Variants in GALNTL6 observed in about 807,000 individuals in gnomAD.
GALNTL6 encodes the protein polypeptide N-acetylgalactosaminyltransferase like 6.
GALNTL6 carries 46 observed loss-of-function variants against 73.7 expected under a neutral mutation model. That is an observed-to-expected ratio of 0.62 (90% confidence interval 0.49 to 0.80). GALNTL6 has a LOEUF of 0.80. Among genes scored for constraint, GALNTL6 ranks in the 30% least tolerant of loss-of-function variants. The pLI, the probability that GALNTL6 is intolerant of heterozygous loss-of-function variation, is 0.00. For missense variants in GALNTL6, 604 were observed against 755.0 expected (o/e 0.80, Z 2.34); for synonymous variants, 259 against 263.7 (o/e 0.98, Z 0.17).
At chr4:172,168,246 A>G (rs189854936) in intron 2 of GALNTL6, among the ~76,000 whole-genome samples, 2 of 152,174 alleles carry the variant, frequency 1.3e-5, no homozygotes, top group East Asian at 3.9e-4. Flanking sequence ...TCCAAATATC[A>G]AGATGGTCTT....
chr4:172,826,883 G>A (rs970106726), intron 7 of GALNTL6, among the ~76,000 whole-genome samples: 24 of 152,166 alleles, frequency 1.6e-4, no homozygotes, highest in African/African-American at 3.6e-4. Flanking sequence ...ACTCCATGCC[G>A]GGATTGTTTT....
intron 5 of GALNTL6, among the ~76,000 whole-genome samples, chr4:172,454,165 T>A (rs575846994): frequency 2.6e-3 from 397 of 152,040 alleles, no homozygotes; most frequent in Middle Eastern, 0.017. Flanking sequence ...CTTCAGGGAG[T>A]CAGAAAAAGA....
intron 5 of GALNTL6, among the ~76,000 whole-genome samples, chr4:172,473,714 T>C (rs1440368457): frequency 6.6e-6 from 1 of 152,212 alleles, no homozygotes; most frequent in African/African-American, 2.4e-5. Context: ...CCTCTTCAGG[T>C]TGAAAAGCCT....
At chr4:171,986,196 G>C (rs561460669) in intron 2 of GALNTL6, among the ~76,000 whole-genome samples, 9 of 152,046 alleles carry the variant, frequency 5.9e-5, no homozygotes, top group East Asian at 5.8e-4. Context: ...GGCTGAGTCC[G>C]AAAAGAGAGT....
At chr4:171,902,785 C>A (rs12503932) in intron 2 of GALNTL6, among the ~76,000 whole-genome samples, 1 of 151,960 alleles carries the variant, frequency 6.6e-6, no homozygotes, top group African/African-American at 2.4e-5. Context: ...CTAATCTAGA[C>A]GTGGACATTA....
intron 2 of GALNTL6, among the ~76,000 whole-genome samples, chr4:171,934,143 A>G (rs1286629199): frequency 6.6e-6 from 1 of 152,186 alleles, no homozygotes; most frequent in Non-Finnish European, 1.5e-5. Flanking sequence ...AAGAGATGAT[A>G]TGACTTCAGT....
chr4:172,679,233 GA>G (rs1361771945), intron 5 of GALNTL6, among the ~76,000 whole-genome samples: 2 of 152,078 alleles, frequency 1.3e-5, no homozygotes, highest in Non-Finnish European at 2.9e-5. Context: ...CCAACATGGT[GA>G]AACCCCATCT....
intron 2 of GALNTL6, among the ~76,000 whole-genome samples, chr4:172,130,763 A>G (rs1052392155): frequency 1.3e-5 from 2 of 152,138 alleles, no homozygotes; most frequent in African/African-American, 2.4e-5. Context: ...AAAATATGAA[A>G]TGAATGCATT....
At chr4:172,483,342 A>G (rs992142903) in intron 5 of GALNTL6, among the ~76,000 whole-genome samples, 1 of 152,180 alleles carries the variant, frequency 6.6e-6, no homozygotes, top group Non-Finnish European at 1.5e-5. Flanking sequence ...TCAGGAAAAG[A>G]GAACATTGTG....
At chr4:172,771,758 G>C (rs1316045291) in intron 5 of GALNTL6, among the ~76,000 whole-genome samples, 1 of 152,082 alleles carries the variant, frequency 6.6e-6, no homozygotes, top group Non-Finnish European at 1.5e-5. Context: ...GATGTCTATG[G>C]GTTAAGTTTA....
At chr4:172,170,825 T>C (rs10012225) in intron 2 of GALNTL6, among the ~76,000 whole-genome samples, 53,872 of 151,974 alleles carry the variant, frequency 0.35, 9,737 homozygotes, top group Middle Eastern at 0.39. Context: ...GGAAATTGTT[T>C]ATAGCAGTAT....
chr4:172,538,404 G>T (rs1735427591), intron 5 of GALNTL6, among the ~76,000 whole-genome samples: 1 of 152,108 alleles, frequency 6.6e-6, no homozygotes, highest in Non-Finnish European at 1.5e-5. Flanking sequence ...AGCTTGCAAA[G>T]AGCCAAGATT....
intron 2 of GALNTL6, among the ~76,000 whole-genome samples, chr4:172,014,626 T>G (rs538091648): frequency 6.6e-6 from 1 of 152,208 alleles, no homozygotes; most frequent in East Asian, 1.9e-4. Context: ...TCTAGTTACT[T>G]GAGGTGTGGC....
chr4:172,383,831 A>G (rs1364017479), intron 5 of GALNTL6, among the ~76,000 whole-genome samples: 1 of 152,038 alleles, frequency 6.6e-6, no homozygotes, highest in Non-Finnish European at 1.5e-5. Flanking sequence ...TGTAAGGATG[A>G]TGGATTTGTC....
At chr4:172,718,179 C>G (rs1457856661) in intron 5 of GALNTL6, among the ~76,000 whole-genome samples, 1 of 152,086 alleles carries the variant, frequency 6.6e-6, no homozygotes, top group Non-Finnish European at 1.5e-5. Flanking sequence ...GCAGATAATT[C>G]AGAAGAATCT....
At chr4:172,131,351 T>G (rs1369971029) in intron 2 of GALNTL6, among the ~76,000 whole-genome samples, 1 of 149,304 alleles carries the variant, frequency 6.7e-6, no homozygotes, top group Non-Finnish European at 1.5e-5. Context: ...AGTATTTACT[T>G]ATGGTTCATT....
At chr4:172,278,164 C>A (rs1056523304) in intron 3 of GALNTL6, among the ~76,000 whole-genome samples, 4 of 152,048 alleles carry the variant, frequency 2.6e-5, no homozygotes, top group Non-Finnish European at 5.9e-5. Context: ...CATTTCTCCA[C>A]ATTTCTACTT....
chr4:172,685,420 C>T (rs1270767290), intron 5 of GALNTL6, among the ~76,000 whole-genome samples: 1 of 152,102 alleles, frequency 6.6e-6, no homozygotes, highest in Non-Finnish European at 1.5e-5. Flanking sequence ...CCCTTTTTAG[C>T]CTCTTTACTC....
intron 2 of GALNTL6, among the ~76,000 whole-genome samples, chr4:171,990,580 T>A (rs557762460): frequency 6.6e-6 from 1 of 152,324 alleles, no homozygotes; most frequent in South Asian, 2.1e-4. Flanking sequence ...CATCCTTGCA[T>A]TCCCTATCAC....
Sources: allele counts gnomAD v4.1 joint callset (sites outside exome capture counted in the v4.1 genomes callset), GRCh38; gene constraint gnomAD v4.1.1; transcripts MANE v1.5; gene names NCBI Gene and HGNC (gene_info 2026-07-23, HGNC 2026-07-21).